The following CENPP variants were observed in gnomAD, a reference collection of about 807,000 sequenced individuals.
The protein encoded by CENPP is centromere protein P.
A neutral mutation model predicts 35.6 loss-of-function variants in CENPP; 24 were observed. The observed-to-expected ratio is 0.67, with a 90% confidence interval of 0.49 to 0.95. The LOEUF is 0.95. Ranked by LOEUF, CENPP falls within the 40% of genes least tolerant of loss-of-function variation. CENPP has a pLI of 0.00. For missense variants in CENPP, 332 were observed against 345.3 expected, an observed-to-expected ratio of 0.96 and a Z score of 0.31; for synonymous variants, 120 against 125.5, an observed-to-expected ratio of 0.96 and a Z score of 0.29.
intron 5 of CENPP, chr9:92,464,775 T>C (rs1164761243): frequency 4.1e-6 from 3 of 732,418 alleles, no homozygotes; most frequent in Non-Finnish European, 7.4e-6. Flanking sequence ...GCATTTTATG[T>C]GTGTGTAGAC....
chr9:92,428,412 G>T (rs6479422), intron 5 of CENPP, among the ~76,000 whole-genome samples: 55,645 of 151,996 alleles, frequency 0.37, 12,528 homozygotes, highest in African/African-American at 0.63. Context: ...GAACCTCTGA[G>T]CATGGGCCCA....
At chr9:92,510,150 G>T in intron 5 of CENPP, 1 of 1,180,600 alleles carries the variant, frequency 8.5e-7, no homozygotes, top group Non-Finnish European at 1.2e-6. Context: ...GGCTTAGACA[G>T]TAATGTCCAG....
At chr9:92,536,327 GTTTATAC>G (rs548358182) in intron 5 of CENPP, among the ~76,000 whole-genome samples, 9 of 152,248 alleles carry the variant, frequency 5.9e-5, no homozygotes, top group African/African-American at 2.2e-4. Flanking sequence ...AAATGTTAAA[GTTTATAC>G]TAGCCAGGAT....
Position 92,476,739 on chromosome 9 carries a change from T to C in CENPP, c.564+96880T>C, listed in dbSNP as rs1375406620. Among the ~76,000 whole-genome samples, 2 of 152,180 alleles carry C rather than the reference T, an allele frequency of 1.3e-5. No homozygotes were observed. The highest frequency in any genetic ancestry group is 6.6e-5 in the Admixed American group (1 of 15,266). On this transcript the variant is annotated intron_variant, in intron 5 of 7. Coordinates refer to ENST00000375587, the MANE Select transcript of CENPP (RefSeq NM_001012267.3). The surrounding 1 kb of genome is among the most constrained non-coding windows in gnomAD (Gnocchi z 4.1). The stretch of plus-strand genomic sequence containing the variant: ...TAATTCAGATGTTATTCTAGACTCA[T>C]CCCTCATAGGAAATGAGGCGTAAAG...
At chr9:92,365,757 G>A (rs146499901) in intron 4 of CENPP, among the ~76,000 whole-genome samples, 1 of 151,674 alleles carries the variant, frequency 6.6e-6, no homozygotes, top group Admixed American at 6.6e-5. Context: ...GTGATAATAA[G>A]GACAATGTAC....
intron 5 of CENPP, among the ~76,000 whole-genome samples, chr9:92,391,241 CAAA>C (rs770262906): frequency 7.7e-6 from 1 of 129,276 alleles, no homozygotes; most frequent in Non-Finnish European, 1.7e-5. Flanking sequence ...CTAAAAATAC[CAAA>C]AAAAAAAAAA....
intron 5 of CENPP, among the ~76,000 whole-genome samples, chr9:92,418,564 A>G (rs955212508): frequency 2.6e-5 from 4 of 152,198 alleles, no homozygotes; most frequent in Non-Finnish European, 5.9e-5. Context: ...CTCCACTGTA[A>G]ATGCTGTGTG....
At chr9:92,559,086 C>T (rs910502282) in intron 5 of CENPP, among the ~76,000 whole-genome samples, 9 of 152,298 alleles carry the variant, frequency 5.9e-5, no homozygotes, top group East Asian at 5.8e-4. Flanking sequence ...GCTCTTCCCC[C>T]GCCTCTGAAG....
At chr9:92,335,749 A>G (rs1840906184) in intron 2 of CENPP, among the ~76,000 whole-genome samples, 1 of 152,120 alleles carries the variant, frequency 6.6e-6, no homozygotes, top group Non-Finnish European at 1.5e-5. Flanking sequence ...ACCTATTTGT[A>G]TACTCTTTCA....
At chr9:92,608,080 G>A (rs546047221) in intron 5 of CENPP, among the ~76,000 whole-genome samples, 4 of 152,176 alleles carry the variant, frequency 2.6e-5, no homozygotes, top group South Asian at 2.1e-4. Flanking sequence ...TGTGCTCAGC[G>A]AGGTCCCCTC....
At chr9:92,561,331 G>C (rs961568218) in intron 5 of CENPP, among the ~76,000 whole-genome samples, 1 of 152,186 alleles carries the variant, frequency 6.6e-6, no homozygotes, top group African/African-American at 2.4e-5. Flanking sequence ...CCTTATTGTA[G>C]ATAATTCATG....
chr9:92,523,932 G>A (rs935267929), intron 5 of CENPP, among the ~76,000 whole-genome samples: 3 of 152,158 alleles, frequency 2.0e-5, no homozygotes, highest in African/African-American at 7.2e-5. Context: ...AGTTTATGCA[G>A]GCACTCCATA....
chr9:92,520,330 A>G (rs777505579), intron 5 of CENPP, among the ~76,000 whole-genome samples: 8 of 152,146 alleles, frequency 5.3e-5, no homozygotes, highest in Non-Finnish European at 1.2e-4. Flanking sequence ...ATATTTCTCC[A>G]AGGAAGATAT....
At chr9:92,325,638 T>A (rs548960827), upstream of CENPP, 3 of 242,596 alleles carry the variant, frequency 1.2e-5, no homozygotes, top group South Asian at 1.2e-4. Context: ...CCCCTCCACG[T>A]GATCCCAGCC....
intron 5 of CENPP, among the ~76,000 whole-genome samples, chr9:92,577,233 G>T (rs1166278378): frequency 1.3e-5 from 2 of 152,254 alleles, no homozygotes; most frequent in South Asian, 4.2e-4. Context: ...ACGCACAGGG[G>T]CTGGGTGCAG....
intron 5 of CENPP, among the ~76,000 whole-genome samples, chr9:92,487,170 C>G (rs935958749): frequency 1.3e-5 from 2 of 152,158 alleles, no homozygotes; most frequent in Non-Finnish European, 2.9e-5. Flanking sequence ...AATTTCTTAC[C>G]TCTTTCCACT....
chr9:92,478,101 G>A (rs1176421406), intron 5 of CENPP, among the ~76,000 whole-genome samples: 1 of 151,864 alleles, frequency 6.6e-6, no homozygotes, highest in Non-Finnish European at 1.5e-5. Flanking sequence ...GGGATTATAA[G>A]CAAAGCATTT....
intron 5 of CENPP, among the ~76,000 whole-genome samples, chr9:92,566,658 G>A (rs1292877603): frequency 6.6e-6 from 1 of 152,162 alleles, no homozygotes. Context: ...TAGGGCAATG[G>A]AAATGATCAA....
intron 5 of CENPP, among the ~76,000 whole-genome samples, chr9:92,610,136 A>G (rs1167271021): frequency 6.6e-6 from 1 of 151,030 alleles, no homozygotes; most frequent in Non-Finnish European, 1.5e-5. Flanking sequence ...GCTCACTGCA[A>G]CCTCTGCCTC....
Sources: gnomAD v4.1 joint callset for allele counts (sites outside exome capture counted in the v4.1 genomes callset) on GRCh38, gnomAD v4.1.1 for gene constraint, Gnocchi (gnomAD v3.1) non-coding constraint, MANE v1.5 for transcripts, NCBI Gene and HGNC (gene_info 2026-07-23, HGNC 2026-07-21) for gene names.